The following TBC1D22B variants were observed in gnomAD, a reference collection of about 807,000 sequenced individuals.
TBC1D22B encodes chromosome 6 open reading frame 197.
TBC1D22B carries 32 observed loss-of-function variants against 69.1 expected under a neutral mutation model. The ratio of observed to expected loss-of-function variants is 0.46; its 90% CI spans 0.35 to 0.62. TBC1D22B has a LOEUF of 0.62. Among genes scored for constraint, TBC1D22B ranks in the 20% least tolerant of loss-of-function variants. The pLI is 0.00. For synonymous variants in TBC1D22B, 206 were observed against 229.8 expected (o/e 0.90, Z 0.94); for missense variants, 462 against 630.9 (o/e 0.73, Z 2.87).
Position 37,332,883 on chromosome 6 carries a change from G to A in TBC1D22B, c.*1711G>A, listed in dbSNP as rs567069100. 2 of 152,586 alleles carry A rather than the reference G, an allele frequency of 1.3e-5. No homozygotes were observed. Among genetic ancestry groups the A allele is most frequent in the South Asian group, 2.1e-4 (1 of 4,818 alleles). 9.5% of individuals were successfully genotyped at this position (152,586 alleles called of 1,614,324 possible). The stretch of plus-strand genomic sequence containing the variant: ...AAAGACACTTGTGTTCCCAAGTGGT[G>A]GTTTTATTTTTTTAGTTTTTATGTT... On this transcript the variant is annotated 3_prime_UTR_variant, in exon 13 of 13. Transcript: ENST00000373491.
rs1442328977 is a variant in TBC1D22B, at chr6:37,331,225, TCACTGTGGC to T, written c.*61_*69del. The T allele has an allele frequency of 1.3e-6, 2 of 1,597,972 alleles. No homozygotes were observed. Among genetic ancestry groups the T allele is most frequent in the Admixed American group, 1.7e-5 (1 of 59,804 alleles). The stretch of plus-strand genomic sequence containing the variant: ...GCCTTCATCTCTGATGGCAGTCTGA[TCACTGTGGC>T]CACTGTGCGAGCCGTGGACCCCGGC... On this transcript the variant is annotated 3_prime_UTR_variant, in exon 13 of 13. Transcript: ENST00000373491.
chr6:37,259,688 A>C (rs1197485798), intron 1 of TBC1D22B, among the ~76,000 whole-genome samples: 1 of 152,216 alleles, frequency 6.6e-6, no homozygotes. Context: ...ATTTTGAAGA[A>C]TATAGAGAAA....
At chr6:37,288,532 T>C (rs1040029483) in intron 7 of TBC1D22B, among the ~76,000 whole-genome samples, 4 of 151,466 alleles carry the variant, frequency 2.6e-5, no homozygotes, top group Admixed American at 2.0e-4. Flanking sequence ...AGCCTAGGAG[T>C]TTGAGACCAG....
chr6:37,271,359 TC>T (rs1766478353), intron 2 of TBC1D22B, among the ~76,000 whole-genome samples: 1 of 152,144 alleles, frequency 6.6e-6, no homozygotes, highest in Non-Finnish European at 1.5e-5. Flanking sequence ...TGGATACGTG[TC>T]ATTATGCATT....
chr6:37,282,389 G>T (rs749576279), intron 4 of TBC1D22B, 25 bp downstream of exon 4: 8 of 1,557,102 alleles, frequency 5.1e-6, no homozygotes, highest in Non-Finnish European at 6.1e-6. Context: ...GCCCAGGCAA[G>T]GTAGGAGCTT....
At chr6:37,312,734 G>A (rs1218828444) in intron 8 of TBC1D22B, among the ~76,000 whole-genome samples, 184 bp from the exon 9 acceptor site, 3 of 152,194 alleles carry the variant, frequency 2.0e-5, no homozygotes, top group Non-Finnish European at 4.4e-5. Flanking sequence ...GAACAAATAT[G>A]TTCTTGAAGG....
chr6:37,257,871 C>G lies in TBC1D22B; in HGVS notation c.-47C>G. ...ATTGCGGGGTCTGGGGGCATCTCGC[C>G]GGGCAAACCCTTGGCCCGCCTACAA... is the stretch of plus-strand genomic sequence containing the variant. On this transcript the variant is annotated 5_prime_UTR_variant, in exon 1 of 13. Coordinates refer to ENST00000373491, the MANE Select transcript of TBC1D22B (RefSeq NM_017772.4). 6.3e-7 allele frequency: 1 copy of G among 1,599,300 alleles called. No individual in the cohort carries two copies. The highest frequency in any genetic ancestry group is 8.5e-7 in the Non-Finnish European group (1 of 1,172,656).
rs746582255 is a variant in TBC1D22B, at chr6:37,282,363, A to G, written c.600A>G (p.Leu200=). ...TTCTCTCCAGCCAGAACACTGACTT[A>G]GGTGAGTCCCTGTGAGCCCAGGCAA... The part of the protein sequence containing the change: ...RQLLSSQNTD[L]DELRKCSWPG... The change falls in exon 4 of 13, where the codon TTA becomes TTG. Residue 200 remains leucine (L), a splice_region_variant and synonymous_variant. Coordinates refer to ENST00000373491, the MANE Select transcript of TBC1D22B (RefSeq NM_017772.4). 7.5e-6 allele frequency: 12 copies of G among 1,596,098 alleles called. No individual in the cohort carries two copies. In the African/African-American group the frequency reaches 1.3e-4, roughly 18 times the overall value.
At chr6:37,322,874 C>T (rs1768289918) in intron 12 of TBC1D22B, among the ~76,000 whole-genome samples, 1 of 152,196 alleles carries the variant, frequency 6.6e-6, no homozygotes, top group Admixed American at 6.5e-5. Context: ...CAAAAATTCA[C>T]TGCACGTGTA....
chr6:37,284,678 G>GCA (rs1766949180), intron 6 of TBC1D22B, among the ~76,000 whole-genome samples: 1 of 152,198 alleles, frequency 6.6e-6, no homozygotes, highest in African/African-American at 2.4e-5. Flanking sequence ...ACTAGTCAGT[G>GCA]CACTGCTTCT....
chr6:37,306,428 G>A (rs111497917), intron 8 of TBC1D22B, among the ~76,000 whole-genome samples: 2 of 152,192 alleles, frequency 1.3e-5, no homozygotes, highest in African/African-American at 4.8e-5. Context: ...CATCCACAGC[G>A]TCTTAGTAAC....
chr6:37,304,958 G>T (rs569820631), intron 8 of TBC1D22B, among the ~76,000 whole-genome samples: 1 of 152,218 alleles, frequency 6.6e-6, no homozygotes, highest in Non-Finnish European at 1.5e-5. Flanking sequence ...GTTTTAAACC[G>T]GGTGGTGAGC....
At chr6:37,292,642 A>G (rs1767223749) in intron 8 of TBC1D22B, among the ~76,000 whole-genome samples, 1 of 152,198 alleles carries the variant, frequency 6.6e-6, no homozygotes. Flanking sequence ...CTAGGATGGT[A>G]TTAATCCATT....
intron 2 of TBC1D22B, among the ~76,000 whole-genome samples, chr6:37,273,762 A>G (rs1766577820): frequency 6.6e-6 from 1 of 152,230 alleles, no homozygotes; most frequent in Admixed American, 6.5e-5. Flanking sequence ...CTATGTCTGC[A>G]CCAGACCATT....
intron 7 of TBC1D22B, among the ~76,000 whole-genome samples, chr6:37,288,412 A>G (rs1305900863): frequency 6.6e-6 from 1 of 152,204 alleles, no homozygotes; most frequent in East Asian, 1.9e-4. Flanking sequence ...GAAAGTAGTC[A>G]GTTTAAAAGG....
chr6:37,261,021 A>G (rs556717464), intron 1 of TBC1D22B, among the ~76,000 whole-genome samples: 1 of 152,332 alleles, frequency 6.6e-6, no homozygotes, highest in South Asian at 2.1e-4. Context: ...TTGCTGGGTC[A>G]TGTAGTAACT....
chr6:37,291,041 A>C (rs1767162362), intron 7 of TBC1D22B, among the ~76,000 whole-genome samples: 1 of 152,212 alleles, frequency 6.6e-6, no homozygotes, highest in African/African-American at 2.4e-5. Flanking sequence ...AATAAAGGGC[A>C]AGAAGTATCT....
intron 3 of TBC1D22B, among the ~76,000 whole-genome samples, chr6:37,280,812 G>T (rs148404286): frequency 6.7e-6 from 1 of 150,084 alleles, no homozygotes; most frequent in African/African-American, 2.5e-5. Context: ...TACACTAGGC[G>T]TCCCAGCCAA....
intron 8 of TBC1D22B, among the ~76,000 whole-genome samples, chr6:37,309,104 A>C (rs908915050): frequency 3.9e-5 from 6 of 152,228 alleles, no homozygotes; most frequent in African/African-American, 1.4e-4. Flanking sequence ...TAACTTATTT[A>C]ATCCATAAAA....
Sources: allele counts gnomAD v4.1 joint callset (sites outside exome capture counted in the v4.1 genomes callset), GRCh38; gene constraint gnomAD v4.1.1; transcripts MANE v1.5; gene names NCBI Gene and HGNC (gene_info 2026-07-23, HGNC 2026-07-21).